Variants in GALNTL6 observed in about 807,000 individuals in gnomAD.
The protein encoded by GALNTL6 is polypeptide N-acetylgalactosaminyltransferase-like 6.
A neutral mutation model predicts 73.7 loss-of-function variants in GALNTL6; 46 were observed. The ratio of observed to expected loss-of-function variants is 0.62; its 90% confidence interval spans 0.49 to 0.80. GALNTL6 has a LOEUF of 0.80. Among genes scored for constraint, GALNTL6 ranks in the 30% least tolerant of loss-of-function variants. The pLI is 0.00. For synonymous variants in GALNTL6, 259 were observed against 263.7 expected (o/e 0.98, Z 0.17); for missense variants, 604 against 755.0 (o/e 0.80, Z 2.34).
intron 3 of GALNTL6, among the ~76,000 whole-genome samples, chr4:172,253,617 G>A (rs1460522547): frequency 6.6e-6 from 1 of 151,938 alleles, no homozygotes; most frequent in Non-Finnish European, 1.5e-5. Flanking sequence ...CATTTCTGAA[G>A]TGAGACATCT....
In GALNTL6 at chr4:171,843,619, C is replaced by G. The variant is rs1249020149; in HGVS notation, c.138+28901C>G. Among the ~76,000 whole-genome samples, 3 of 152,054 alleles carry G rather than the reference C, an allele frequency of 2.0e-5. No homozygotes were observed. The East Asian group carries it at 5.8e-4, about 29-fold the overall frequency. ...GCATTTACTTTGGTATTAAGCCAGG[C>G]AGTGAGGATAGGCTCTCCCCATATT... On this transcript the variant is annotated intron_variant, in intron 2 of 12. Transcript: ENST00000506823.
At chr4:172,494,902 T>C (rs544900439) in intron 5 of GALNTL6, among the ~76,000 whole-genome samples, 1 of 152,216 alleles carries the variant, frequency 6.6e-6, no homozygotes, top group African/African-American at 2.4e-5. Context: ...CAAATGTTAG[T>C]CTCCTTTGGC....
intron 5 of GALNTL6, among the ~76,000 whole-genome samples, chr4:172,734,200 G>A (rs1222200741): frequency 6.6e-6 from 1 of 152,212 alleles, no homozygotes; most frequent in African/African-American, 2.4e-5. Context: ...TTTCTAAGCA[G>A]CATTGTGTTC....
Position 172,048,730 on chromosome 4 carries a change from T to TTTTTATTTTA in GALNTL6, c.139-180906_139-180897dup, listed in dbSNP as rs199772411. ...AATTTCCCACTGAAAAGTTTTTCAT[T>TTTTTATTTTA]TTTTATTTTATTTTATTTTATTTTA... On this transcript the variant is annotated intron_variant, in intron 2 of 12. Coordinates refer to ENST00000506823, the MANE Select transcript of GALNTL6 (RefSeq NM_001034845.3). Among the ~76,000 whole-genome samples, 52 of 151,908 alleles carry TTTTTATTTTA rather than the reference T, an allele frequency of 3.4e-4. 1 individual carries two copies. Among genetic ancestry groups the TTTTTATTTTA allele is most frequent in the Non-Finnish European group, 6.0e-4 (41 of 67,902 alleles).
intron 5 of GALNTL6, among the ~76,000 whole-genome samples, chr4:172,706,481 G>A (rs1734361255): frequency 1.3e-5 from 2 of 151,936 alleles, no homozygotes; most frequent in African/African-American, 4.8e-5. Context: ...CATTTGGGGA[G>A]GTCATGGTTC....
intron 5 of GALNTL6, among the ~76,000 whole-genome samples, chr4:172,762,532 T>C (rs957990450): frequency 2.6e-4 from 40 of 152,084 alleles, no homozygotes; most frequent in Non-Finnish European, 4.9e-4. Flanking sequence ...CCTTTTCTAG[T>C]CTGTTTTCTC....
intron 2 of GALNTL6, among the ~76,000 whole-genome samples, chr4:172,203,765 A>T (rs1367546321): frequency 1.3e-5 from 2 of 151,602 alleles, no homozygotes; most frequent in Non-Finnish European, 2.9e-5. Context: ...ATTTTTTTCG[A>T]GGTGGAGTTT....
chr4:172,843,549 G>T (rs1271586466), intron 7 of GALNTL6, among the ~76,000 whole-genome samples: 2 of 152,162 alleles, frequency 1.3e-5, no homozygotes, highest in Non-Finnish European at 2.9e-5. Flanking sequence ...CCTTGTGAAA[G>T]TCAGGTTCAC....
intron 3 of GALNTL6, among the ~76,000 whole-genome samples, chr4:172,274,993 A>C (rs919249058): frequency 1.3e-5 from 2 of 152,200 alleles, no homozygotes. Flanking sequence ...ATTTTTCCAC[A>C]AGCTAATTAA....
chr4:171,907,388 T>C (rs1440929433), intron 2 of GALNTL6, among the ~76,000 whole-genome samples: 3 of 152,072 alleles, frequency 2.0e-5, no homozygotes, highest in Admixed American at 6.6e-5. Context: ...TGAACTCCCA[T>C]TCACAATTGC....
At chr4:172,977,392 C>T (rs943280293) in intron 10 of GALNTL6, among the ~76,000 whole-genome samples, 8 of 152,198 alleles carry the variant, frequency 5.3e-5, no homozygotes, top group Non-Finnish European at 1.2e-4. Context: ...AACAACTCCT[C>T]ACATTCTTTC....
chr4:172,653,257 T>C (rs983006077), intron 5 of GALNTL6, among the ~76,000 whole-genome samples: 1 of 151,870 alleles, frequency 6.6e-6, no homozygotes. Context: ...TTCACTTTTT[T>C]GCCCAAGCTG....
intron 2 of GALNTL6, among the ~76,000 whole-genome samples, chr4:171,815,818 G>A (rs1179945196): frequency 6.6e-6 from 1 of 152,140 alleles, no homozygotes; most frequent in Non-Finnish European, 1.5e-5. Context: ...TTGCACAGTG[G>A]TTAGTTGTGC....
At chr4:172,596,910 AC>A in intron 5 of GALNTL6, among the ~76,000 whole-genome samples, 1 of 152,326 alleles carries the variant, frequency 6.6e-6, no homozygotes, top group African/African-American at 2.4e-5. Context: ...GGAGACATTT[AC>A]ATATTTATCA....
intron 5 of GALNTL6, among the ~76,000 whole-genome samples, chr4:172,357,634 TACAC>T (rs5864129): frequency 0.018 from 2,665 of 145,798 alleles, 41 homozygotes; most frequent in African/African-American, 0.043. Flanking sequence ...TATAGATATA[TACAC>T]ACACACACAC....
intron 2 of GALNTL6, among the ~76,000 whole-genome samples, chr4:171,943,649 T>A (rs1738617964): frequency 6.6e-6 from 1 of 152,214 alleles, no homozygotes; most frequent in African/African-American, 2.4e-5. Context: ...TGCTTGCTAC[T>A]TGATTTCATC....
At chr4:172,881,901 C>G (rs1313292804) in intron 7 of GALNTL6, among the ~76,000 whole-genome samples, 2 of 152,052 alleles carry the variant, frequency 1.3e-5, no homozygotes, top group Non-Finnish European at 2.9e-5. Flanking sequence ...AACATTCCAC[C>G]TCTTCTGCGT....
At chr4:172,072,822 C>T (rs1357603484) in intron 2 of GALNTL6, among the ~76,000 whole-genome samples, 1 of 152,114 alleles carries the variant, frequency 6.6e-6, no homozygotes. Context: ...AAAGACCTGC[C>T]TTTCTTTGTT....
intron 10 of GALNTL6, among the ~76,000 whole-genome samples, chr4:172,982,032 TG>T (rs2126434722): frequency 6.6e-6 from 1 of 152,160 alleles, no homozygotes; most frequent in Admixed American, 6.5e-5. Context: ...TGACCTCAGG[TG>T]ATCTGCCTGC....
Sources: allele counts gnomAD v4.1 joint callset (sites outside exome capture counted in the v4.1 genomes callset), GRCh38; gene constraint gnomAD v4.1.1; transcripts MANE v1.5; gene names NCBI Gene and HGNC (gene_info 2026-07-23, HGNC 2026-07-21).